Variants in TSPYL5 observed in about 807,000 individuals in gnomAD.
The protein encoded by TSPYL5 is TSPY like 5, also known as testis-specific Y-encoded-like protein 5.
For synonymous variants in TSPYL5, 276 were observed against 236.1 expected (o/e 1.17, Z -1.55); for missense variants, 556 against 555.5 (o/e 1.00, Z -0.01).
chr8:97,276,972 G>A lies in TSPYL5; in HGVS notation c.873C>T (p.Gly291=). The A allele has an allele frequency of 6.2e-7, 1 of 1,614,098 alleles. No individual in the cohort carries two copies. ...EVEELGLARL[G]YKIKFYFDRN... is the part of the protein sequence containing the mutation. ...GATCGAAGTAGAACTTGATTTTGTA[G>A]CCCAATCTGGCAAGGCCGAGCTCTT... The change falls in exon 1 of 1, where the codon GGC becomes GGT. Residue 291 remains glycine (G), a synonymous_variant. Transcript: ENST00000322128.
rs1385332290 is a variant in TSPYL5 at position 97,277,768 on chromosome 8, C to A, written c.77G>T (p.Arg26Leu). The change falls in exon 1 of 1, where the codon CGC (arginine) becomes CTC (leucine). Residue 26 changes from arginine to leucine, a missense_variant. Physicochemically the swap from Arg to Leu is moderately radical, Grantham distance 102 (BLOSUM62 -2). Transcript: ENST00000322128. This position sits in a 1 kb window ranked among gnomAD's most constrained non-coding sequence, Gnocchi z 4.5. The part of the protein sequence containing the change: ...RGKGRAKARV[R>L]PAPDDAPRDP... ...GCGCGGGGCGTCGTCCGGAGCAGGGCGGACTCGGGCTTTGGCGCGGCCTTT... is the reference window on the plus strand; with the variant it reads ...GCGCGGGGCGTCGTCCGGAGCAGGGAGGACTCGGGCTTTGGCGCGGCCTTT... 6.6e-7 allele frequency: 1 copy of A among 1,523,814 alleles called. No individual in the cohort carries two copies. The highest frequency in any genetic ancestry group is 2.1e-5 in the Admixed American group (1 of 47,722). 94.4% of individuals were successfully genotyped at this position (1,523,814 alleles called of 1,614,324 possible).
At position 97,276,978 on chromosome 8, in the gene TSPYL5, T is replaced by C; in HGVS notation, c.867A>G (p.Arg289=). The C allele has an allele frequency of 6.2e-7, 1 of 1,614,226 alleles. No individual in the cohort carries two copies. The highest frequency in any genetic ancestry group is 8.5e-7 in the Non-Finnish European group (1 of 1,180,044). Residue 289 remains arginine, a synonymous_variant, in exon 1 of 1, where the codon AGA becomes AGG. Coordinates refer to ENST00000322128, the MANE Select transcript of TSPYL5 (RefSeq NM_033512.3). ...SLEVEELGLA[R]LGYKIKFYFD... ...AGTAGAACTTGATTTTGTAGCCCAATCTGGCAAGGCCGAGCTCTTCCACTT... is the reference window on the plus strand; with the variant it reads ...AGTAGAACTTGATTTTGTAGCCCAACCTGGCAAGGCCGAGCTCTTCCACTT...
chr8:97,277,622 C>T lies in TSPYL5; in HGVS notation c.223G>A (p.Glu75Lys). 12 of 1,439,396 alleles carry T rather than the reference C, an allele frequency of 8.3e-6. No homozygotes were observed. The highest frequency in any genetic ancestry group is 1.1e-5 in the Non-Finnish European group (12 of 1,098,198). 89.2% of individuals were successfully genotyped at this position (1,439,396 alleles called of 1,614,324 possible). A position where few individuals can be genotyped will look rare whatever the true frequency, so the allele number is the denominator to read the frequency against. ...AASAQLLRLG[E>K]EAACRLPLDC... ...AGGGGGAGCCGGCAGGCGGCCTCCT[C>T]CCCGAGCCGGAGGAGCTGCGCGGAC... Residue 75 changes from glutamate (E) to lysine (K), a missense_variant, in exon 1 of 1, where the codon GAG becomes AAG. By Grantham distance (56) the Glu-to-Lys change is moderately conservative. Transcript: ENST00000322128. This position sits in a 1 kb window ranked among gnomAD's most constrained non-coding sequence, Gnocchi z 4.5.
Position 97,276,546 on chromosome 8 carries a change from A to T in TSPYL5, c.*45T>A. 1 of 1,580,324 alleles carries T rather than the reference A, an allele frequency of 6.3e-7. No homozygotes were observed. The highest frequency in any genetic ancestry group is 8.6e-7 in the Non-Finnish European group (1 of 1,165,032). Reference sequence around the variant, plus strand: ...AGGCAGAGAGCCAAATATGTAGTCAACCAGGAGCAGCCCAGCAGGAGGTAG... The same window carrying T: ...AGGCAGAGAGCCAAATATGTAGTCATCCAGGAGCAGCCCAGCAGGAGGTAG... On this transcript the variant is annotated 3_prime_UTR_variant, in exon 1 of 1. Coordinates refer to ENST00000322128, the MANE Select transcript of TSPYL5 (RefSeq NM_033512.3).
rs1287672972 is a variant in TSPYL5, at chr8:97,275,197, T to G, written c.*1394A>C. The G allele has an allele frequency of 1.3e-5, 2 of 152,144 alleles. No individual in the cohort carries two copies. The highest frequency in any genetic ancestry group is 2.9e-5 in the Non-Finnish European group (2 of 68,054). 9.4% of individuals were successfully genotyped at this position (152,144 alleles called of 1,614,324 possible). A position where few individuals can be genotyped will look rare whatever the true frequency, so the allele number is the denominator to read the frequency against. ...TGTAGAGCAAGCGCAGGAGACAGGT[T>G]CAGGGTTTGCCAGCAGATCCACTTG... On this transcript the variant is annotated 3_prime_UTR_variant, in exon 1 of 1. Coordinates refer to ENST00000322128, the MANE Select transcript of TSPYL5 (RefSeq NM_033512.3).
chr8:97,276,649 T>C lies in TSPYL5; in HGVS notation c.1196A>G (p.Gln399Arg). The C allele has an allele frequency of 6.2e-7, 1 of 1,614,176 alleles. No individual in the cohort carries two copies. The highest frequency in any genetic ancestry group is 1.1e-5 in the South Asian group (1 of 91,074). Reference protein sequence around the residue: ...VEKGKEKEGRQGPGKQPMETT... With the variant: ...VEKGKEKEGRRGPGKQPMETT... The stretch of plus-strand genomic sequence containing the variant: ...CTCCATTGGCTGCTTTCCTGGACCT[T>C]GCCTGCCTTCTTTTTCCTTTCCTTT... The change falls in exon 1 of 1, where the codon CAA becomes CGA. Residue 399 changes from glutamine (Q) to arginine (R), a missense_variant. Gln to Arg is a conservative substitution (Grantham distance 43). Transcript: ENST00000322128.
At position 97,276,558 on chromosome 8, in the gene TSPYL5, C is replaced by G. The variant is rs1488692042; in HGVS notation, c.*33G>C. The G allele has an allele frequency of 6.3e-7, 1 of 1,592,948 alleles. No homozygotes were observed. Among genetic ancestry groups the G allele is most frequent in the Non-Finnish European group, 8.5e-7 (1 of 1,170,276 alleles). On this transcript the variant is annotated 3_prime_UTR_variant, in exon 1 of 1. Coordinates refer to ENST00000322128, the MANE Select transcript of TSPYL5 (RefSeq NM_033512.3). ...AAATATGTAGTCAACCAGGAGCAGC[C>G]CAGCAGGAGGTAGCAGGGAGACTTG...
Position 97,276,471 on chromosome 8 carries a change from G to C in TSPYL5, c.*120C>G. ...ACATGATCATAAATGCCATATTCTT[G>C]TAACTAAAGTCCAAAGGGTCTATAG... On this transcript the variant is annotated 3_prime_UTR_variant, in exon 1 of 1. Coordinates refer to ENST00000322128, the MANE Select transcript of TSPYL5 (RefSeq NM_033512.3). The C allele has an allele frequency of 8.0e-7, 1 of 1,256,558 alleles. No homozygotes were observed. The highest frequency in any genetic ancestry group is 1.1e-6 in the Non-Finnish European group (1 of 898,672). The allele number at this position is 1,256,558 out of a possible 1,614,324, so 77.8% of individuals were successfully genotyped here.
Position 97,276,399 on chromosome 8 carries a change from CAT to C in TSPYL5, c.*190_*191del. 1 of 710,838 alleles carries C rather than the reference CAT, an allele frequency of 1.4e-6. No homozygotes were observed. Among genetic ancestry groups the C allele is most frequent in the Non-Finnish European group, 2.4e-6 (1 of 419,198 alleles). 44.0% of individuals were successfully genotyped at this position (710,838 alleles called of 1,614,324 possible). A position where few individuals can be genotyped will look rare whatever the true frequency, so the allele number is the denominator to read the frequency against. On this transcript the variant is annotated 3_prime_UTR_variant, in exon 1 of 1. Transcript: ENST00000322128. ...GAACAGTCCGGGTGCGATCACATAA[CAT>C]GTGACACTAACGTAGAAAAGCAAGA...
rs1160326269 is a variant in TSPYL5 at position 97,275,575 on chromosome 8, A to G, written c.*1016T>C. On this transcript the variant is annotated 3_prime_UTR_variant, in exon 1 of 1. Transcript: ENST00000322128. The stretch of plus-strand genomic sequence containing the variant: ...TACTATGGCACTCTGCTCACATCTT[A>G]GACGGGAATAAGGGAAGTTGACAAT... 6.6e-6 allele frequency: 1 copy of G among 152,232 alleles called. No individual in the cohort carries two copies. 9.4% of individuals were successfully genotyped at this position (152,232 alleles called of 1,614,324 possible).
Position 97,276,563 on chromosome 8 carries a change from A to C in TSPYL5, c.*28T>G, listed in dbSNP as rs1179303199. 1 of 1,596,402 alleles carries C rather than the reference A, an allele frequency of 6.3e-7. No individual in the cohort carries two copies. Among genetic ancestry groups the C allele is most frequent in the Non-Finnish European group, 8.5e-7 (1 of 1,171,856 alleles). On this transcript the variant is annotated 3_prime_UTR_variant, in exon 1 of 1. Coordinates refer to ENST00000322128, the MANE Select transcript of TSPYL5 (RefSeq NM_033512.3). ...TGTAGTCAACCAGGAGCAGCCCAGC[A>C]GGAGGTAGCAGGGAGACTTGTGCAG...
At position 97,276,962 on chromosome 8, in the gene TSPYL5, T is replaced by C; in HGVS notation, c.883A>G (p.Lys295Glu). ...TACGGGTTGCGATCGAAGTAGAACT[T>C]GATTTTGTAGCCCAATCTGGCAAGG... The part of the protein sequence containing the change: ...LGLARLGYKI[K>E]FYFDRNPYFQ... Residue 295 changes from lysine (K) to glutamate (E), a missense_variant, in exon 1 of 1, where the codon AAG (lysine) becomes GAG (glutamate). By Grantham distance (56) the Lys-to-Glu change is moderately conservative (BLOSUM62 1). Transcript: ENST00000322128. The C allele has an allele frequency of 6.2e-7, 1 of 1,614,208 alleles. No individual in the cohort carries two copies. The highest frequency in any genetic ancestry group is 1.1e-5 in the South Asian group (1 of 91,082).
In TSPYL5 at chr8:97,274,166, C is replaced by T. The variant is rs1810473773; in HGVS notation, c.*2425G>A. 6.6e-6 allele frequency: 1 copy of T among 150,764 alleles called. No homozygotes were observed. The highest frequency in any genetic ancestry group is 6.6e-5 in the Admixed American group (1 of 15,154). 9.3% of individuals were successfully genotyped at this position (150,764 alleles called of 1,614,324 possible). A position where few individuals can be genotyped will look rare whatever the true frequency, so the allele number is the denominator to read the frequency against. ...AGCTAGGTGATGGACACATGGGGTCCAAGGACCATCCTCTCCACTTCTGTG... is the reference window on the plus strand; with the variant it reads ...AGCTAGGTGATGGACACATGGGGTCTAAGGACCATCCTCTCCACTTCTGTG... On this transcript the variant is annotated 3_prime_UTR_variant, in exon 1 of 1. Coordinates refer to ENST00000322128, the MANE Select transcript of TSPYL5 (RefSeq NM_033512.3).
rs537082210 is a variant in TSPYL5, at chr8:97,277,512, A to G, written c.333T>C (p.Ser111=). Residue 111 remains serine, a synonymous_variant, in exon 1 of 1, where the codon TCT becomes TCC. Coordinates refer to ENST00000322128, the MANE Select transcript of TSPYL5 (RefSeq NM_033512.3). The surrounding 1 kb of genome is among the most constrained non-coding windows in gnomAD (Gnocchi z 4.5). ...TGTCTGCGGCCAGGCGCTCCGAGAGAGATGCGGCCTTCCCCGGGCCGGGCC... is the reference window on the plus strand; with the variant it reads ...TGTCTGCGGCCAGGCGCTCCGAGAGGGATGCGGCCTTCCCCGGGCCGGGCC... ...AARPGPGKAA[S]LSERLAADTV... 6.6e-7 allele frequency: 1 copy of G among 1,519,796 alleles called. No individual in the cohort carries two copies. The highest frequency in any genetic ancestry group is 8.8e-7 in the Non-Finnish European group (1 of 1,138,820). 94.1% of individuals were successfully genotyped at this position (1,519,796 alleles called of 1,614,324 possible).
In TSPYL5 at chr8:97,276,096, AG is replaced by A. The variant is rs1810508621; in HGVS notation, c.*494del. ...GCTGGTGACCCCAGACCCACAGAAC[AG>A]GAAGTTCTGGCTGATGACTAATACC... On this transcript the variant is annotated 3_prime_UTR_variant, in exon 1 of 1. Transcript: ENST00000322128. The A allele has an allele frequency of 6.4e-6, 1 of 156,792 alleles. No homozygotes were observed. The highest frequency in any genetic ancestry group is 2.0e-4 in the South Asian group (1 of 5,088). The allele number at this position is 156,792 out of a possible 1,614,324, so 9.7% of individuals were successfully genotyped here.
In TSPYL5 at chr8:97,275,305, GA is replaced by G; in HGVS notation, c.*1285del. On this transcript the variant is annotated 3_prime_UTR_variant, in exon 1 of 1. Transcript: ENST00000322128. ...TCAGCTACCTCCCCAGCTGTATGTA[GA>G]AAAATGTGGTTTTTCAGTTGTTTTC... is the stretch of plus-strand genomic sequence containing the variant. The G allele has an allele frequency of 6.6e-6, 1 of 151,922 alleles. No individual in the cohort carries two copies. The highest frequency in any genetic ancestry group is 2.1e-4 in the South Asian group (1 of 4,780). 9.4% of individuals were successfully genotyped at this position (151,922 alleles called of 1,614,324 possible).
rs183118500 is a variant in TSPYL5 at position 97,275,176 on chromosome 8, G to A, written c.*1415C>T. 2.0e-4 allele frequency: 31 copies of A among 152,278 alleles called. No individual in the cohort carries two copies. The highest frequency in any genetic ancestry group is 7.5e-4 in the African/African-American group (31 of 41,536). 9.4% of individuals were successfully genotyped at this position (152,278 alleles called of 1,614,324 possible). On this transcript the variant is annotated 3_prime_UTR_variant, in exon 1 of 1. Coordinates refer to ENST00000322128, the MANE Select transcript of TSPYL5 (RefSeq NM_033512.3). ...AAGGATTTTCAACTTCAGAACTGTAGAGCAAGCGCAGGAGACAGGTTCAGG... is the reference window on the plus strand; with the variant it reads ...AAGGATTTTCAACTTCAGAACTGTAAAGCAAGCGCAGGAGACAGGTTCAGG...
In TSPYL5 at chr8:97,276,868, G is replaced by A. The variant is rs1451399819; in HGVS notation, c.977C>T (p.Thr326Ile). The A allele has an allele frequency of 4.3e-6, 7 of 1,614,200 alleles. No homozygotes were observed. Among genetic ancestry groups the A allele is most frequent in the Non-Finnish European group, 5.9e-6 (7 of 1,180,036 alleles). ...ATGCCCTGGGAGCCACTGGATTGGAGTAGAACGAGACACCACCTGGCCAGA... is the reference window on the plus strand; with the variant it reads ...ATGCCCTGGGAGCCACTGGATTGGAATAGAACGAGACACCACCTGGCCAGA... Reference protein sequence around the residue: ...GPSGQVVSRSTPIQWLPGHDL... With the variant: ...GPSGQVVSRSIPIQWLPGHDL... The change falls in exon 1 of 1, where the codon ACT (threonine) becomes ATT (isoleucine). Residue 326 changes from threonine to isoleucine, a missense_variant. Physicochemically the swap from Thr to Ile is moderately conservative, Grantham distance 89 (BLOSUM62 -1). Coordinates refer to ENST00000322128, the MANE Select transcript of TSPYL5 (RefSeq NM_033512.3).
rs1389238743 is a variant in TSPYL5 at position 97,277,259 on chromosome 8, G to A, written c.586C>T (p.Pro196Ser). The change falls in exon 1 of 1, where the codon CCA becomes TCA. Residue 196 changes from proline to serine, a missense_variant. Coordinates refer to ENST00000322128, the MANE Select transcript of TSPYL5 (RefSeq NM_033512.3). This position sits in a 1 kb window ranked among gnomAD's most constrained non-coding sequence, Gnocchi z 4.5. ...GTATCCATGCTGCCTTCCGTCGCTG[G>A]GGGCCCCGACCCTGCATCCCTCTCT... Reference protein sequence around the residue: ...KEERDAGSGPPATEGSMDTLE... With the variant: ...KEERDAGSGPSATEGSMDTLE... 1 of 1,613,970 alleles carries A rather than the reference G, an allele frequency of 6.2e-7. No homozygotes were observed. The highest frequency in any genetic ancestry group is 1.3e-5 in the African/African-American group (1 of 75,018).
Sources: gnomAD v4.1 joint callset for allele counts on GRCh38, gnomAD v4.1.1 for gene constraint, Gnocchi (gnomAD v3.1) non-coding constraint, MANE v1.5 for transcripts, NCBI Gene and HGNC (gene_info 2026-07-23, HGNC 2026-07-21) for gene names.